The following LHFPL3 variants were observed in gnomAD, a reference collection of about 807,000 sequenced individuals.
LHFPL3 encodes the protein LHFPL tetraspan subfamily member 3 protein.
LHFPL3 carries 5 observed loss-of-function variants against 19.3 expected under a neutral mutation model. The ratio of observed to expected loss-of-function variants is 0.26; its 90% CI spans 0.14 to 0.54. The LOEUF is 0.54. Among genes scored for constraint, LHFPL3 ranks in the 20% least tolerant of loss-of-function variants. The probability of loss-of-function intolerance (pLI) is 0.94; values close to 1 mark genes in which losing one functional copy is unlikely to be tolerated. For missense variants in LHFPL3, 249 were observed against 307.4 expected (o/e 0.81, Z 1.42); for synonymous variants, 133 against 126.2 (o/e 1.05, Z -0.36).
At chr7:104,743,614 A>T (rs1298645650) in intron 2 of LHFPL3, among the ~76,000 whole-genome samples, 2 of 152,234 alleles carry the variant, frequency 1.3e-5, no homozygotes, top group East Asian at 3.8e-4. Context: ...TATTCTCATT[A>T]CTAAGCATTT....
At chr7:104,692,542 A>T (rs1430063395) in intron 1 of LHFPL3, among the ~76,000 whole-genome samples, 1 of 152,240 alleles carries the variant, frequency 6.6e-6, no homozygotes, top group Non-Finnish European at 1.5e-5. Context: ...CATACACTCC[A>T]GGCCATTGCT....
chr7:104,906,332 A>G lies in LHFPL3; in HGVS notation c.*117A>G. On this transcript the variant is annotated 3_prime_UTR_variant, in exon 3 of 3. Coordinates refer to ENST00000424859, the MANE Select transcript of LHFPL3 (RefSeq NM_199000.3). ...ACGCCTGAGAGAGATCAGAGTATAT[A>G]GATGAATATGAACAAGAATGGAACA... The G allele has an allele frequency of 8.4e-7, 1 of 1,185,656 alleles. No homozygotes were observed. The highest frequency in any genetic ancestry group is 1.4e-5 in the South Asian group (1 of 72,154). 73.4% of individuals were successfully genotyped at this position (1,185,656 alleles called of 1,614,324 possible). A position where few individuals can be genotyped will look rare whatever the true frequency, so the allele number is the denominator to read the frequency against.
intron 1 of LHFPL3, among the ~76,000 whole-genome samples, chr7:104,543,034 C>T (rs529371768): frequency 6.6e-6 from 1 of 152,184 alleles, no homozygotes; most frequent in Non-Finnish European, 1.5e-5. Flanking sequence ...CCATCATCCT[C>T]AGCAAACTAA....
At chr7:104,393,532 A>G (rs928246451) in intron 1 of LHFPL3, among the ~76,000 whole-genome samples, 3 of 152,052 alleles carry the variant, frequency 2.0e-5, no homozygotes, top group Non-Finnish European at 4.4e-5. Flanking sequence ...CCTGATCAAC[A>G]TGGTGAAACC....
At chr7:104,595,529 TGAG>T (rs1240997428) in intron 1 of LHFPL3, among the ~76,000 whole-genome samples, 1 of 152,218 alleles carries the variant, frequency 6.6e-6, no homozygotes, top group Non-Finnish European at 1.5e-5. Context: ...GGGACCCACT[TGAG>T]GAAGCAGTCT....
At chr7:104,409,255 A>G (rs2116509184) in intron 1 of LHFPL3, among the ~76,000 whole-genome samples, 1 of 152,014 alleles carries the variant, frequency 6.6e-6, no homozygotes, top group Middle Eastern at 3.4e-3. Context: ...AGAAAATCAG[A>G]CAAGTGGCCT....
chr7:104,866,437 TAAAAC>T (rs1161774457), intron 2 of LHFPL3, among the ~76,000 whole-genome samples: 1 of 152,128 alleles, frequency 6.6e-6, no homozygotes, highest in Non-Finnish European at 1.5e-5. Flanking sequence ...TAATCTCTGA[TAAAAC>T]AAACTTTAAA....
intron 1 of LHFPL3, among the ~76,000 whole-genome samples, chr7:104,411,308 CTG>C (rs1791530636): frequency 6.6e-6 from 1 of 152,076 alleles, no homozygotes; most frequent in African/African-American, 2.4e-5. Context: ...GTGCAATTGA[CTG>C]TAGTGTGAAT....
chr7:104,765,202 C>A (rs555165420), intron 2 of LHFPL3, among the ~76,000 whole-genome samples: 37 of 152,308 alleles, frequency 2.4e-4, no homozygotes, highest in Admixed American at 1.6e-3. Context: ...AAGAAAGACT[C>A]CTGTCTAGCT....
At chr7:104,509,492 T>G (rs1363011664) in intron 1 of LHFPL3, among the ~76,000 whole-genome samples, 1 of 152,104 alleles carries the variant, frequency 6.6e-6, no homozygotes, top group Non-Finnish European at 1.5e-5. Context: ...CACATGATTG[T>G]ATCAATAGCT....
At chr7:104,403,023 AG>A (rs1459385267) in intron 1 of LHFPL3, among the ~76,000 whole-genome samples, 1 of 152,084 alleles carries the variant, frequency 6.6e-6, no homozygotes, top group African/African-American at 2.4e-5. Context: ...ACGTGGACAC[AG>A]GGAAGTGAAC....
chr7:104,699,359 CTT>C (rs1336051375), intron 1 of LHFPL3, among the ~76,000 whole-genome samples: 2 of 152,180 alleles, frequency 1.3e-5, no homozygotes, highest in Non-Finnish European at 2.9e-5. Flanking sequence ...AAGAAGGACA[CTT>C]TTACACATGC....
chr7:104,666,105 A>T (rs1792332450), intron 1 of LHFPL3, among the ~76,000 whole-genome samples: 1 of 152,204 alleles, frequency 6.6e-6, no homozygotes, highest in Non-Finnish European at 1.5e-5. Context: ...ACATGCATAG[A>T]ATATATAATA....
chr7:104,364,322 T>G (rs571223560), intron 1 of LHFPL3, among the ~76,000 whole-genome samples: 1 of 152,238 alleles, frequency 6.6e-6, no homozygotes, highest in Non-Finnish European at 1.5e-5. Context: ...CAAATTCTTT[T>G]GTTGTGGACT....
intron 1 of LHFPL3, among the ~76,000 whole-genome samples, chr7:104,687,678 G>T (rs922893545): frequency 6.6e-6 from 1 of 152,150 alleles, no homozygotes; most frequent in African/African-American, 2.4e-5. Context: ...TCACAGTTTG[G>T]ACACAAAGAA....
At chr7:104,601,933 A>G (rs1790977329) in intron 1 of LHFPL3, among the ~76,000 whole-genome samples, 1 of 151,780 alleles carries the variant, frequency 6.6e-6, no homozygotes, top group Non-Finnish European at 1.5e-5. Flanking sequence ...CCTGAATCAC[A>G]TGACGGTTTG....
chr7:104,731,508 G>C (rs2116282554), intron 1 of LHFPL3, among the ~76,000 whole-genome samples: 1 of 152,292 alleles, frequency 6.6e-6, no homozygotes, highest in East Asian at 1.9e-4. Flanking sequence ...GTTCACTCAT[G>C]ATTCGGCTCT....
intron 1 of LHFPL3, among the ~76,000 whole-genome samples, chr7:104,360,727 GTGTGTGTGTGTGTGTA>G (rs1790375419): frequency 6.9e-6 from 1 of 143,986 alleles, no homozygotes; most frequent in Non-Finnish European, 1.6e-5. Flanking sequence ...GTGTGTGTGT[GTGTGTGTGTGTGTGTA>G]TACATTTACA....
intron 2 of LHFPL3, among the ~76,000 whole-genome samples, chr7:104,859,035 G>C (rs1791563275): frequency 1.3e-5 from 2 of 152,104 alleles, no homozygotes; most frequent in South Asian, 4.1e-4. Flanking sequence ...GGCCAAGGCA[G>C]GTGGATCACC....
Sources: gnomAD v4.1 joint callset for allele counts (sites outside exome capture counted in the v4.1 genomes callset) on GRCh38, gnomAD v4.1.1 for gene constraint, MANE v1.5 for transcripts, NCBI Gene and HGNC (gene_info 2026-07-23, HGNC 2026-07-21) for gene names.